NOX4: variants seen among roughly 807,000 people sequenced by gnomAD.
NOX4 encodes the protein NADPH oxidase 4.
NOX4 carries 69 observed loss-of-function variants against 87.6 expected under a neutral mutation model. That is an observed-to-expected ratio of 0.79 (90% confidence interval 0.65 to 0.96). The LOEUF (loss-of-function observed/expected upper bound fraction) is 0.96, where lower values mean the gene tolerates loss of function less well. NOX4 is among the 40% of genes least tolerant of loss of function. The probability of loss-of-function intolerance (pLI) is 0.00; values close to 1 mark genes in which losing one functional copy is unlikely to be tolerated. For synonymous variants in NOX4, 275 were observed against 238.2 expected (o/e 1.15, Z -1.42); for missense variants, 680 against 681.5 (o/e 1.00, Z 0.02).
chr11:89,550,098 A>C, the NOX4 span, among the ~76,000 whole-genome samples: 1 of 152,114 alleles, frequency 6.6e-6, no homozygotes, highest in Non-Finnish European at 1.5e-5. Context: ...TGCTGGAACT[A>C]ATTTACACTC....
the NOX4 span, among the ~76,000 whole-genome samples, chr11:89,578,497 C>A: frequency 6.6e-6 from 1 of 152,158 alleles, no homozygotes; most frequent in Admixed American, 6.6e-5. Context: ...GATATAGCTA[C>A]AATTTACCAT....
Position 89,325,121 on chromosome 11 carries a change from T to TTTTTTTC in NOX4, c.*1634_*1635insGAAAAAA, listed in dbSNP as rs1945173867. The stretch of plus-strand genomic sequence containing the variant: ...CTGTATGAATGCTTTAATTCTTTTT[T>TTTTTTTC]TTTTTTTTTTTTTTTTTTTTTGAGA... On this transcript the variant is annotated 3_prime_UTR_variant, in exon 18 of 18. Transcript: ENST00000263317. 1 of 120,822 alleles carries TTTTTTTC rather than the reference T, an allele frequency of 8.3e-6. No homozygotes were observed. The highest frequency in any genetic ancestry group is 1.7e-5 in the Non-Finnish European group (1 of 60,456). The allele number at this position is 120,822 out of a possible 1,614,324, so 7.5% of individuals were successfully genotyped here.
the NOX4 span, chr11:89,577,783 T>A: frequency 6.6e-6 from 1 of 152,148 alleles, no homozygotes; most frequent in African/African-American, 2.4e-5. Flanking sequence ...AAATAATTAA[T>A]GAAAGAATTC....
intron 11 of NOX4, among the ~76,000 whole-genome samples, chr11:89,390,873 A>G (rs1410892125): frequency 6.6e-6 from 1 of 152,108 alleles, no homozygotes; most frequent in Non-Finnish European, 1.5e-5. Context: ...TTAGACTTTA[A>G]TTAAATACTC....
chr11:89,340,678 AAG>A (rs1413970081), intron 14 of NOX4, among the ~76,000 whole-genome samples: 1 of 152,210 alleles, frequency 6.6e-6, no homozygotes, highest in Non-Finnish European at 1.5e-5. Context: ...TCATTAAAGA[AAG>A]AGATTTCACA....
At chr11:89,329,579 A>G (rs1466351088) in intron 17 of NOX4, among the ~76,000 whole-genome samples, 1 of 151,932 alleles carries the variant, frequency 6.6e-6, no homozygotes, top group Non-Finnish European at 1.5e-5. Context: ...ACGAGTGACA[A>G]AAAGAAAAAC....
At chr11:89,412,339 C>G (rs571965704) in intron 8 of NOX4, among the ~76,000 whole-genome samples, 1 of 152,198 alleles carries the variant, frequency 6.6e-6, no homozygotes, top group African/African-American at 2.4e-5. Context: ...ATTTACAGAA[C>G]ATTTTATCCA....
the NOX4 span, among the ~76,000 whole-genome samples, chr11:89,528,681 T>G: frequency 1.3e-5 from 2 of 152,192 alleles, no homozygotes; most frequent in Admixed American, 6.5e-5. Flanking sequence ...CCTTCTGCCA[T>G]GATTGTAAAT....
intron 5 of NOX4, among the ~76,000 whole-genome samples, chr11:89,441,155 C>T (rs319031): frequency 0.056 from 8,460 of 152,184 alleles, 843 homozygotes; most frequent in African/African-American, 0.19. Flanking sequence ...AGGGGATTTG[C>T]GCATTGTAAG....
At chr11:89,469,134 A>C (rs1477390636) in intron 2 of NOX4, among the ~76,000 whole-genome samples, 3 of 152,278 alleles carry the variant, frequency 2.0e-5, no homozygotes, top group African/African-American at 7.2e-5. Context: ...GAGGACTTAC[A>C]AACTACCTGT....
At chr11:89,329,386 T>C (rs1261494419) in intron 17 of NOX4, among the ~76,000 whole-genome samples, 1 of 51,612 alleles carries the variant, frequency 1.9e-5, no homozygotes, top group Non-Finnish European at 4.2e-5. Flanking sequence ...GAACAGAGCA[T>C]AAGTGGCCTG....
chr11:89,378,636 G>A (rs953876105), intron 11 of NOX4, among the ~76,000 whole-genome samples: 2 of 151,934 alleles, frequency 1.3e-5, no homozygotes, highest in African/African-American at 4.8e-5. Context: ...GTAAATACTG[G>A]AAGAAAAATA....
chr11:89,587,176 A>T, the NOX4 span, among the ~76,000 whole-genome samples: 1 of 152,086 alleles, frequency 6.6e-6, no homozygotes, highest in Non-Finnish European at 1.5e-5. Context: ...TTCAAGACAA[A>T]TGCCAGAAAC....
At chr11:89,340,009 C>T in intron 15 of NOX4, 54 bp downstream of exon 15, 1 of 865,450 alleles carries the variant, frequency 1.2e-6, no homozygotes, top group Non-Finnish European at 1.8e-6. Context: ...AATATAAAAG[C>T]TATAACATTT....
At position 89,324,902 on chromosome 11, in the gene NOX4, A is replaced by C. The variant is rs1193064197; in HGVS notation, c.*1854T>G. On this transcript the variant is annotated 3_prime_UTR_variant, in exon 18 of 18. Coordinates refer to ENST00000263317, the MANE Select transcript of NOX4 (RefSeq NM_016931.5). Reference sequence around the variant, plus strand: ...ATTTCAAGGAAAGGAAGAAATATCTACAAGTAAATATCATTCAGTATGGGT... The same window carrying C: ...ATTTCAAGGAAAGGAAGAAATATCTCCAAGTAAATATCATTCAGTATGGGT... 1 of 152,094 alleles carries C rather than the reference A, an allele frequency of 6.6e-6. No homozygotes were observed. Among genetic ancestry groups the C allele is most frequent in the African/African-American group, 2.4e-5 (1 of 41,422 alleles). 9.4% of individuals were successfully genotyped at this position (152,094 alleles called of 1,614,324 possible).
At chr11:89,571,575 G>T in the NOX4 span, among the ~76,000 whole-genome samples, 1 of 151,998 alleles carries the variant, frequency 6.6e-6, no homozygotes, top group African/African-American at 2.4e-5. Flanking sequence ...GATTACAGGC[G>T]TGAGCTACCG....
intron 2 of NOX4, among the ~76,000 whole-genome samples, chr11:89,467,658 A>G (rs898891533): frequency 1.3e-5 from 2 of 152,136 alleles, no homozygotes; most frequent in African/African-American, 4.8e-5. Flanking sequence ...TGAGGGCTTT[A>G]CCTTCATCAC....
rs1335042707 is a variant in NOX4 at position 89,490,537 on chromosome 11, A to G, written c.74T>C (p.Met25Thr). The stretch of plus-strand genomic sequence containing the variant: ...GGTTTTCCAGAAAAGCAGGACATTC[A>G]TGGAGAGCCAGATGAACTAAACCAA... ...KHLCLFIWLS[M>T]NVLLFWKTFL... The change falls in exon 2 of 18, where the codon ATG (methionine) becomes ACG (threonine). Residue 25 changes from methionine to threonine, a missense_variant. Transcript: ENST00000263317. 6.2e-7 allele frequency: 1 copy of G among 1,613,950 alleles called. No individual in the cohort carries two copies.
chr11:89,358,147 G>A (rs993916290), intron 12 of NOX4, among the ~76,000 whole-genome samples: 1 of 152,046 alleles, frequency 6.6e-6, no homozygotes. Context: ...CACTTTGGGA[G>A]GCTGAGGCAT....
Sources: gnomAD v4.1 joint callset for allele counts (sites outside exome capture counted in the v4.1 genomes callset) on GRCh38, gnomAD v4.1.1 for gene constraint, MANE v1.5 for transcripts, NCBI Gene and HGNC (gene_info 2026-07-23, HGNC 2026-07-21) for gene names.